Variants in FRAS1 observed in about 807,000 individuals in gnomAD.
FRAS1 encodes Fraser extracellular matrix complex subunit 1.
Under a neutral mutation model 435.2 loss-of-function variants are expected in FRAS1, and 290 were observed. The ratio of observed to expected loss-of-function variants is 0.67; its 90% CI spans 0.61 to 0.73. FRAS1 has a LOEUF of 0.73. Ranked by LOEUF, FRAS1 falls within the 30% of genes least tolerant of loss-of-function variation. The pLI is 0.00. For synonymous variants in FRAS1, 1,800 were observed against 1,851.0 expected, an observed-to-expected ratio of 0.97 and a Z score of 0.71; for missense variants, 4,860 against 5,001.5, an observed-to-expected ratio of 0.97 and a Z score of 0.85.
At chr4:78,319,940 AAGTGTTTGCATTCAC>A (rs2110239035) in intron 18 of FRAS1, among the ~76,000 whole-genome samples, 1 of 152,342 alleles carries the variant, frequency 6.6e-6, no homozygotes, top group South Asian at 2.1e-4. Flanking sequence ...TAACCTCTCT[AAGTGTTTGCATTCAC>A]AGTGTTAGAA....
chr4:78,318,197 T>C (rs546532977), intron 17 of FRAS1, among the ~76,000 whole-genome samples: 1 of 152,326 alleles, frequency 6.6e-6, no homozygotes, highest in East Asian at 1.9e-4. Context: ...TTACAGAATC[T>C]TTTAAAGAAC....
rs1227156630 is a variant in FRAS1, at chr4:78,543,716, G to A, written c.*2592G>A. ...CCTTTGATGTAGAATTATTCATTTGGTTTGTTTCATACTTCATTATAGGAA... is the reference window on the plus strand; with the variant it reads ...CCTTTGATGTAGAATTATTCATTTGATTTGTTTCATACTTCATTATAGGAA... On this transcript the variant is annotated 3_prime_UTR_variant, in exon 74 of 74. Transcript: ENST00000512123. The A allele has an allele frequency of 1.3e-5, 2 of 152,172 alleles. No homozygotes were observed. The highest frequency in any genetic ancestry group is 4.8e-5 in the African/African-American group (2 of 41,448). 9.4% of individuals were successfully genotyped at this position (152,172 alleles called of 1,614,324 possible). A position where few individuals can be genotyped will look rare whatever the true frequency, so the allele number is the denominator to read the frequency against.
intron 2 of FRAS1, among the ~76,000 whole-genome samples, chr4:78,135,954 C>T (rs1232127546): frequency 6.6e-6 from 1 of 152,222 alleles, no homozygotes; most frequent in Non-Finnish European, 1.5e-5. Context: ...CTGATCTCAA[C>T]ATTTCCATCA....
rs766222333 is a variant in FRAS1 at position 78,438,988 on chromosome 4, A to G, written c.5453A>G (p.Asp1818Gly). The G allele has an allele frequency of 6.2e-7, 1 of 1,613,082 alleles. No homozygotes were observed. The highest frequency in any genetic ancestry group is 1.1e-5 in the South Asian group (1 of 91,010). Residue 1818 changes from aspartate (D) to glycine (G), a missense_variant, in exon 40 of 74, where the codon GAT becomes GGT. Coordinates refer to ENST00000512123, the MANE Select transcript of FRAS1 (RefSeq NM_025074.7). ...SVSDMDHNHL[D>G]NQIFTIMITP... Reference sequence around the variant, plus strand: ...TCTGACATGGACCACAACCATCTGGATAATCAGATATTTACCATCATGATC... The same window carrying G: ...TCTGACATGGACCACAACCATCTGGGTAATCAGATATTTACCATCATGATC...
intron 38 of FRAS1, among the ~76,000 whole-genome samples, chr4:78,435,559 C>T (rs150754196): frequency 0.012 from 1,815 of 152,050 alleles, 30 homozygotes; most frequent in African/African-American, 0.042. Context: ...GCCAACATGG[C>T]GAAACCCTGT....
At chr4:78,386,667 T>G (rs1256131203) in intron 28 of FRAS1, among the ~76,000 whole-genome samples, 2 of 152,216 alleles carry the variant, frequency 1.3e-5, no homozygotes, top group Non-Finnish European at 2.9e-5. Context: ...CTCAATTTTT[T>G]TGGGTGAGTT....
chr4:78,085,304 G>A (rs1019673963), intron 2 of FRAS1, among the ~76,000 whole-genome samples: 6 of 151,996 alleles, frequency 3.9e-5, no homozygotes, highest in South Asian at 2.1e-4. Context: ...TTTATGCATC[G>A]TCTGTTTATA....
chr4:78,526,681 A>C (rs1721544339), intron 70 of FRAS1, 24 bp downstream of exon 70: 11 of 1,386,878 alleles, frequency 7.9e-6, no homozygotes, highest in East Asian at 5.2e-5. Context: ...GTCAATCCTC[A>C]TTATTTGTTG....
At position 78,432,413 on chromosome 4, in the gene FRAS1, G is replaced by A. The variant is rs765457388; in HGVS notation, c.5026G>A (p.Gly1676Ser). ...EKNALQYIHD[G>S]SSTREDSMEI... The stretch of plus-strand genomic sequence containing the variant: ...AAATGCTCTACAGTATATACATGAT[G>A]GTTCCTCTACCCGGGAAGACAGCAT... The change falls in exon 38 of 74, where the codon GGT becomes AGT. Residue 1676 changes from glycine (G) to serine (S), a missense_variant. Gly to Ser is a moderately conservative substitution (Grantham distance 56). Transcript: ENST00000512123. The A allele has an allele frequency of 1.9e-6, 3 of 1,611,422 alleles. No individual in the cohort carries two copies. The highest frequency in any genetic ancestry group is 2.7e-5 in the African/African-American group (2 of 74,898).
intron 47 of FRAS1, among the ~76,000 whole-genome samples, chr4:78,457,707 C>A (rs1184532483): frequency 6.6e-6 from 1 of 152,190 alleles, no homozygotes; most frequent in Non-Finnish European, 1.5e-5. Flanking sequence ...TTGGCTGTTA[C>A]AAAACTCTTC....
intron 32 of FRAS1, among the ~76,000 whole-genome samples, chr4:78,414,355 C>G (rs528006147): frequency 6.6e-6 from 1 of 152,356 alleles, no homozygotes; most frequent in African/African-American, 2.4e-5. Flanking sequence ...GTTTCCTGTG[C>G]TGTCACTGTG....
At chr4:78,276,129 C>T (rs1256113605) in intron 9 of FRAS1, among the ~76,000 whole-genome samples, 2 of 152,324 alleles carry the variant, frequency 1.3e-5, no homozygotes, top group Non-Finnish European at 2.9e-5. Flanking sequence ...CTTGTGCATT[C>T]ATCACGTAGT....
rs1578382463 is a variant in FRAS1 at position 78,541,186 on chromosome 4, G to T, written c.*62G>T. ...TTTTATAAAATGGGGGGAAATACTG[G>T]TATTTTTATAATCTCGCAGATAAAA... On this transcript the variant is annotated 3_prime_UTR_variant, in exon 74 of 74. Transcript: ENST00000512123. 1.0e-6 allele frequency: 1 copy of T among 987,432 alleles called. No homozygotes were observed. Among genetic ancestry groups the T allele is most frequent in the African/African-American group, 1.7e-5 (1 of 59,960 alleles). The allele number at this position is 987,432 out of a possible 1,614,324, so 61.2% of individuals were successfully genotyped here.
intron 66 of FRAS1, among the ~76,000 whole-genome samples, chr4:78,518,780 A>G (rs895969416): frequency 3.9e-5 from 6 of 152,076 alleles, no homozygotes; most frequent in African/African-American, 1.2e-4. Context: ...TGAGCTTCCT[A>G]TATATGATTT....
chr4:78,184,744 A>G (rs1419756704), intron 2 of FRAS1, among the ~76,000 whole-genome samples: 1 of 152,164 alleles, frequency 6.6e-6, no homozygotes, highest in Non-Finnish European at 1.5e-5. Context: ...GACAAGGAAG[A>G]GCCCAATCCC....
intron 19 of FRAS1, among the ~76,000 whole-genome samples, chr4:78,335,014 G>T (rs1730114533): frequency 6.8e-6 from 1 of 147,198 alleles, no homozygotes; most frequent in African/African-American, 2.7e-5. Context: ...TCCCTCTTCA[G>T]CATCCCAAAT....
At chr4:78,118,588 G>A (rs4610363) in intron 2 of FRAS1, among the ~76,000 whole-genome samples, 33,051 of 152,096 alleles carry the variant, frequency 0.22, 3,956 homozygotes, top group Admixed American at 0.29. Context: ...AGCAATGAGC[G>A]AGGCTCCGTG....
At chr4:78,310,546 A>T (rs944638923) in intron 15 of FRAS1, among the ~76,000 whole-genome samples, 33 of 152,346 alleles carry the variant, frequency 2.2e-4, no homozygotes, top group African/African-American at 7.2e-4. Flanking sequence ...GAATCAACAG[A>T]TCTACAAGTA....
At chr4:78,379,622 G>A in intron 26 of FRAS1, 104 bp from the exon 27 acceptor site, 1 of 1,087,946 alleles carries the variant, frequency 9.2e-7, no homozygotes, top group Non-Finnish European at 1.4e-6. Context: ...TTATTCTCTG[G>A]AAATTGTAAG....
Sources: gnomAD v4.1 joint callset for allele counts (sites outside exome capture counted in the v4.1 genomes callset) on GRCh38, gnomAD v4.1.1 for gene constraint, MANE v1.5 for transcripts, NCBI Gene and HGNC (gene_info 2026-07-23, HGNC 2026-07-21) for gene names.